Variants in SGMS1 observed in about 807,000 individuals in gnomAD.
SGMS1 encodes the protein phosphatidylcholine:ceramide cholinephosphotransferase 1.
In SGMS1, 13 loss-of-function variants were observed where a neutral mutation model predicts 46.2. That is an observed-to-expected ratio of 0.28 (90% CI 0.18 to 0.45). The LOEUF (loss-of-function observed/expected upper bound fraction) is 0.45, where lower values mean the gene tolerates loss of function less well. Among genes scored for constraint, SGMS1 ranks in the 20% least tolerant of loss-of-function variants. SGMS1 has a pLI of 1.00. For missense variants in SGMS1, 324 were observed against 519.9 expected, an observed-to-expected ratio of 0.62 and a Z score of 3.66; for synonymous variants, 203 against 187.8, an observed-to-expected ratio of 1.08 and a Z score of -0.66.
At chr10:50,519,590 G>C (rs2983347) in intron 3 of SGMS1, among the ~76,000 whole-genome samples, 25,325 of 152,104 alleles carry the variant, frequency 0.17, 2,774 homozygotes, top group Non-Finnish European at 0.25. Context: ...CTACCACCCC[G>C]GCCCAGATTG....
rs143712383 is a variant in SGMS1 at position 50,614,111 on chromosome 10, CT to C, written c.-684+9595del. Among the ~76,000 whole-genome samples the C allele has an allele frequency of 7.1e-3, 1,032 of 144,892 alleles. 4 individuals are homozygous for C. Among genetic ancestry groups the C allele is most frequent in the African/African-American group, 0.019 (756 of 39,412 alleles). ...GATAAGTGGTGAACAGGAAGTCTTT[CT>C]TTTTTTTTTTTTGCCAATGGAAGGG... On this transcript the variant is annotated intron_variant, in intron 1 of 10. Transcript: ENST00000361781.
At chr10:50,622,606 C>G (rs1212755254) in intron 1 of SGMS1, among the ~76,000 whole-genome samples, 2 of 152,228 alleles carry the variant, frequency 1.3e-5, no homozygotes, top group Non-Finnish European at 2.9e-5. Context: ...AATAAACTTC[C>G]CTTTCAGAAA....
At chr10:50,362,889 G>T (rs1027097280) in intron 6 of SGMS1, among the ~76,000 whole-genome samples, 1 of 152,180 alleles carries the variant, frequency 6.6e-6, no homozygotes, top group South Asian at 2.1e-4. Flanking sequence ...GATACTTCAG[G>T]AGGAAAGAAG....
At chr10:50,332,824 C>T (rs977033681) in intron 7 of SGMS1, among the ~76,000 whole-genome samples, 37 of 151,892 alleles carry the variant, frequency 2.4e-4, no homozygotes, top group African/African-American at 8.7e-4. Context: ...CAGGGTCTTG[C>T]CATTTTGCCC....
At chr10:50,365,161 G>A (rs1848312685) in intron 6 of SGMS1, among the ~76,000 whole-genome samples, 1 of 147,512 alleles carries the variant, frequency 6.8e-6, no homozygotes, top group Non-Finnish European at 1.5e-5. Flanking sequence ...TCAGGACGTT[G>A]AGAATCTCTT....
chr10:50,355,424 G>A (rs374614955), intron 6 of SGMS1, among the ~76,000 whole-genome samples: 9 of 152,124 alleles, frequency 5.9e-5, no homozygotes, highest in African/African-American at 2.2e-4. Context: ...GCAGGCGCGC[G>A]CCACCACGCC....
At chr10:50,402,143 T>C (rs1848949007) in intron 6 of SGMS1, among the ~76,000 whole-genome samples, 1 of 152,200 alleles carries the variant, frequency 6.6e-6, no homozygotes, top group Non-Finnish European at 1.5e-5. Flanking sequence ...AATGGCATCA[T>C]CCATCAATTA....
At chr10:50,372,651 C>A (rs1227390645) in intron 6 of SGMS1, among the ~76,000 whole-genome samples, 1 of 152,040 alleles carries the variant, frequency 6.6e-6, no homozygotes, top group African/African-American at 2.4e-5. Context: ...CCAGATCATG[C>A]CACTGCACTC....
intron 6 of SGMS1, among the ~76,000 whole-genome samples, chr10:50,419,119 G>C (rs1302001104): frequency 2.0e-5 from 3 of 151,986 alleles, no homozygotes; most frequent in African/African-American, 7.3e-5. Context: ...TAGGGTTCAG[G>C]ACCATCGAGA....
upstream of SGMS1, chr10:50,623,974 C>A: frequency 1.0e-6 from 1 of 985,406 alleles, no homozygotes; most frequent in African/African-American, 1.7e-5. Context: ...ATGCCCAGTC[C>A]GCTGCCCGAG....
intron 1 of SGMS1, among the ~76,000 whole-genome samples, chr10:50,617,507 T>C (rs1588894249): frequency 6.6e-6 from 1 of 152,234 alleles, no homozygotes; most frequent in East Asian, 1.9e-4. Flanking sequence ...TATGTACATC[T>C]GTCAAAAGTA....
intron 6 of SGMS1, among the ~76,000 whole-genome samples, chr10:50,381,555 G>A (rs939117009): frequency 1.3e-5 from 2 of 152,108 alleles, no homozygotes; most frequent in Admixed American, 6.5e-5. Context: ...ATGTCTTTTT[G>A]TTCTGAGTCC....
At chr10:50,513,015 G>A (rs1837770915) in intron 3 of SGMS1, among the ~76,000 whole-genome samples, 1 of 152,146 alleles carries the variant, frequency 6.6e-6, no homozygotes, top group African/African-American at 2.4e-5. Flanking sequence ...CCTTCCACAA[G>A]TTTCACTTGT....
At position 50,619,343 on chromosome 10, in the gene SGMS1, T is replaced by G. The variant is rs57717008; in HGVS notation, c.-684+4364A>C. ...CACAAATAAAATGTTAAGGTTCTTC[T>G]GACTTTTATGAATGCCTGCAAATTT... On this transcript the variant is annotated intron_variant, in intron 1 of 10. Transcript: ENST00000361781. Among the ~76,000 whole-genome samples the G allele has an allele frequency of 4.4e-3, 674 of 152,362 alleles. 1 individual carries two copies. Among genetic ancestry groups the G allele is most frequent in the African/African-American group, 0.016 (651 of 41,588 alleles).
intron 8 of SGMS1, among the ~76,000 whole-genome samples, chr10:50,320,501 G>A (rs983557144): frequency 6.6e-6 from 1 of 152,154 alleles, no homozygotes; most frequent in Non-Finnish European, 1.5e-5. Flanking sequence ...CTCTATCAAT[G>A]GAGAGAGATG....
intron 2 of SGMS1, among the ~76,000 whole-genome samples, chr10:50,563,529 G>C (rs1277323281): frequency 6.6e-6 from 1 of 151,724 alleles, no homozygotes; most frequent in East Asian, 1.9e-4. Flanking sequence ...GGATCACGAG[G>C]TCAGGAGATC....
At chr10:50,474,081 C>T (rs563840369) in intron 3 of SGMS1, 1 of 152,352 alleles carries the variant, frequency 6.6e-6, no homozygotes, top group South Asian at 2.1e-4. Context: ...AAGTACTGGA[C>T]TGAAGCCAGT....
chr10:50,501,977 GT>G (rs749109788), intron 3 of SGMS1, among the ~76,000 whole-genome samples: 1 of 151,830 alleles, frequency 6.6e-6, no homozygotes, highest in Admixed American at 6.6e-5. Context: ...GAGGAGTTGG[GT>G]TTTTTTTCAT....
chr10:50,338,255 A>G (rs981054661), intron 7 of SGMS1, among the ~76,000 whole-genome samples: 3 of 152,040 alleles, frequency 2.0e-5, no homozygotes, highest in Admixed American at 6.6e-5. Flanking sequence ...CCTGACCCCA[A>G]CCCATAACCC....
Sources: gnomAD v4.1 joint callset for allele counts (sites outside exome capture counted in the v4.1 genomes callset) on GRCh38, gnomAD v4.1.1 for gene constraint, MANE v1.5 for transcripts, NCBI Gene and HGNC (gene_info 2026-07-23, HGNC 2026-07-21) for gene names.